ARL5B: variants seen among roughly 807,000 people sequenced by gnomAD.
The protein encoded by ARL5B is ARF like GTPase 5B, also known as ADP-ribosylation factor-like protein 5B.
ARL5B carries 10 observed loss-of-function variants against 26.9 expected under a neutral mutation model. That is an observed-to-expected ratio of 0.37 (90% confidence interval 0.23 to 0.63). ARL5B has a LOEUF of 0.63. Ranked by LOEUF, ARL5B falls within the 30% of genes least tolerant of loss-of-function variation. The pLI is 0.62. For missense variants in ARL5B, 167 were observed against 213.9 expected, an observed-to-expected ratio of 0.78 and a Z score of 1.37; for synonymous variants, 87 against 70.4, an observed-to-expected ratio of 1.24 and a Z score of -1.18.
Position 18,680,232 on chromosome 10 carries a change from A to G in ARL5B, c.*5016A>G, listed in dbSNP as rs1257287951. On this transcript the variant is annotated 3_prime_UTR_variant, in exon 6 of 6. Coordinates refer to ENST00000377275, the MANE Select transcript of ARL5B (RefSeq NM_178815.5). Reference sequence around the variant, plus strand: ...ATCCCATAAAAACCCCCTTCACCCAAACTGTATTTGAAATATGCAAAATTC... The same window carrying G: ...ATCCCATAAAAACCCCCTTCACCCAGACTGTATTTGAAATATGCAAAATTC... The G allele has an allele frequency of 6.6e-6, 1 of 152,002 alleles. No homozygotes were observed. The highest frequency in any genetic ancestry group is 1.5e-5 in the Non-Finnish European group (1 of 67,904). The allele number at this position is 152,002 out of a possible 1,614,324, so 9.4% of individuals were successfully genotyped here.
chr10:18,672,138 T>A (rs746963953), intron 3 of ARL5B, among the ~76,000 whole-genome samples: 3 of 152,230 alleles, frequency 2.0e-5, no homozygotes, highest in Non-Finnish European at 4.4e-5. Flanking sequence ...TAAAATTGTC[T>A]TATTTTTAAA....
rs1463117336 is a variant in ARL5B at position 18,678,261 on chromosome 10, C to T, written c.*3045C>T. The T allele has an allele frequency of 6.6e-6, 1 of 151,662 alleles. No homozygotes were observed. The highest frequency in any genetic ancestry group is 6.6e-5 in the Admixed American group (1 of 15,222). The allele number at this position is 151,662 out of a possible 1,614,324, so 9.4% of individuals were successfully genotyped here. On this transcript the variant is annotated 3_prime_UTR_variant, in exon 6 of 6. Transcript: ENST00000377275. ...GCTTAAAGGTATCAATACTTTTATT[C>T]TATATTCATTAGAAGAAAGGTAATA...
chr10:18,663,350 T>C (rs192552701), intron 1 of ARL5B, among the ~76,000 whole-genome samples: 9 of 152,288 alleles, frequency 5.9e-5, no homozygotes, highest in Non-Finnish European at 1.0e-4. Context: ...AATACAGTTT[T>C]AATTGTAGTT....
At chr10:18,670,358 C>G (rs987343222) in intron 3 of ARL5B, among the ~76,000 whole-genome samples, 1 of 152,150 alleles carries the variant, frequency 6.6e-6, no homozygotes, top group Non-Finnish European at 1.5e-5. Flanking sequence ...CTTCTGTAAT[C>G]CCAGCACTTT....
At chr10:18,660,061 C>CTT (rs547976951) in intron 1 of ARL5B, among the ~76,000 whole-genome samples, 1 of 146,352 alleles carries the variant, frequency 6.8e-6, no homozygotes, top group Non-Finnish European at 1.5e-5. Flanking sequence ...AAACCTAGAA[C>CTT]TTTTTTTTTT....
chr10:18,667,716 C>A (rs941230142), intron 2 of ARL5B, among the ~76,000 whole-genome samples: 3 of 149,814 alleles, frequency 2.0e-5, no homozygotes, highest in Non-Finnish European at 4.4e-5. Context: ...TATATATATA[C>A]ACACACACAC....
intron 1 of ARL5B, among the ~76,000 whole-genome samples, chr10:18,663,923 C>T (rs2059848784): frequency 6.6e-6 from 1 of 151,716 alleles, no homozygotes; most frequent in African/African-American, 2.4e-5. Context: ...CATCTATCTG[C>T]ATCCTGTCTT....
intron 1 of ARL5B, among the ~76,000 whole-genome samples, 190 bp from the exon 2 acceptor site, chr10:18,666,385 A>G (rs749407589): frequency 1.3e-5 from 2 of 152,250 alleles, no homozygotes; most frequent in Non-Finnish European, 2.9e-5. Flanking sequence ...CAGAGAATCA[A>G]TGATAATTGA....
intron 1 of ARL5B, among the ~76,000 whole-genome samples, chr10:18,664,468 C>T (rs563689237): frequency 9.7e-5 from 11 of 113,016 alleles, no homozygotes; most frequent in East Asian, 3.2e-4. Flanking sequence ...GATGGAGTCT[C>T]GCTCTGTTGC....
intron 1 of ARL5B, among the ~76,000 whole-genome samples, chr10:18,660,193 A>C (rs771880875): frequency 4.6e-5 from 7 of 152,182 alleles, no homozygotes; most frequent in Non-Finnish European, 1.0e-4. Flanking sequence ...ATTCAGATGC[A>C]CGAGTTTTCC....
Position 18,679,780 on chromosome 10 carries a change from TATC to T in ARL5B, c.*4567_*4569del, listed in dbSNP as rs1383569598. 1 of 151,814 alleles carries T rather than the reference TATC, an allele frequency of 6.6e-6. No homozygotes were observed. Among genetic ancestry groups the T allele is most frequent in the Non-Finnish European group, 1.5e-5 (1 of 67,838 alleles). 9.4% of individuals were successfully genotyped at this position (151,814 alleles called of 1,614,324 possible). On this transcript the variant is annotated 3_prime_UTR_variant, in exon 6 of 6. Coordinates refer to ENST00000377275, the MANE Select transcript of ARL5B (RefSeq NM_178815.5). ...TCAAAGCACTTGAAAGTAAAGACAA[TATC>T]ATGAGGTCGAAAAAACTTCAAAAGG...
In ARL5B at chr10:18,668,671, T is replaced by A. The variant is rs761581848; in HGVS notation, c.249T>A (p.Asn83Lys). ...LRSSWNTYYS[N>K]TEFIILVVDS... ...CATCCTGGAACACATATTACTCAAA[T>A]ACAGAGGTATGCTAAGATGAATTTT... Residue 83 changes from asparagine to lysine, a missense_variant, in exon 3 of 6, where the codon AAT (asparagine) becomes AAA (lysine). Physicochemically the swap from Asn to Lys is moderately conservative, Grantham distance 94 (BLOSUM62 0). Coordinates refer to ENST00000377275, the MANE Select transcript of ARL5B (RefSeq NM_178815.5). 6.2e-7 allele frequency: 1 copy of A among 1,613,684 alleles called. No individual in the cohort carries two copies. Among genetic ancestry groups the A allele is most frequent in the Non-Finnish European group, 8.5e-7 (1 of 1,179,910 alleles).
In ARL5B at chr10:18,675,323, AC is replaced by A; in HGVS notation, c.*109del. The A allele has an allele frequency of 9.3e-7, 1 of 1,070,228 alleles. No individual in the cohort carries two copies. Among genetic ancestry groups the A allele is most frequent in the South Asian group, 1.4e-5 (1 of 73,372 alleles). The allele number at this position is 1,070,228 out of a possible 1,614,324, so 66.3% of individuals were successfully genotyped here. ...GCATGTTTAATTTATAACAACACAAACCTCTGAGAGCAACACTTGAATCAAG... is the reference window on the plus strand; with the variant it reads ...GCATGTTTAATTTATAACAACACAAACTCTGAGAGCAACACTTGAATCAAG... On this transcript the variant is annotated 3_prime_UTR_variant, in exon 6 of 6. Transcript: ENST00000377275.
At chr10:18,666,996 A>T (rs1445881889) in intron 2 of ARL5B, among the ~76,000 whole-genome samples, 1 of 150,198 alleles carries the variant, frequency 6.7e-6, no homozygotes, top group Admixed American at 6.7e-5. Context: ...CCTCCTGACT[A>T]ATAGCTTTGG....
intron 5 of ARL5B, among the ~76,000 whole-genome samples, chr10:18,674,608 A>C (rs566946863): frequency 6.6e-6 from 1 of 152,200 alleles, no homozygotes; most frequent in South Asian, 2.1e-4. Context: ...CACATGGTCT[A>C]TTCTTCCATC....
Position 18,667,542 on chromosome 10 carries a change from C to T in ARL5B, c.107+907C>T, listed in dbSNP as rs542871284. 7.9e-5 allele frequency among the ~76,000 whole-genome samples: 12 copies of T among 152,226 alleles called. No individual in the cohort carries two copies. The South Asian group carries it at 1.0e-3, about 13-fold the overall frequency. ...TTTGTTGAAATAATTTTACACATGG[C>T]TTCAAAAATATACATAAAACCCAAG... is the stretch of plus-strand genomic sequence containing the variant. On this transcript the variant is annotated intron_variant, in intron 2 of 5. Transcript: ENST00000377275.
chr10:18,678,001 A>T lies in ARL5B; in HGVS notation c.*2785A>T, dbSNP rs989315255. The T allele has an allele frequency of 2.0e-5, 3 of 151,978 alleles. No homozygotes were observed. Among genetic ancestry groups the T allele is most frequent in the Admixed American group, 1.3e-4 (2 of 15,254 alleles). 9.4% of individuals were successfully genotyped at this position (151,978 alleles called of 1,614,324 possible). On this transcript the variant is annotated 3_prime_UTR_variant, in exon 6 of 6. Transcript: ENST00000377275. ...CAATTATCCTTGCAAGTTCAAATAC[A>T]GCATTTTTCTTAATTTTGAGCGTGT...
In ARL5B at chr10:18,679,857, C is replaced by G. The variant is rs894176873; in HGVS notation, c.*4641C>G. 6.6e-6 allele frequency: 1 copy of G among 151,942 alleles called. No individual in the cohort carries two copies. Among genetic ancestry groups the G allele is most frequent in the Non-Finnish European group, 1.5e-5 (1 of 67,862 alleles). 9.4% of individuals were successfully genotyped at this position (151,942 alleles called of 1,614,324 possible). On this transcript the variant is annotated 3_prime_UTR_variant, in exon 6 of 6. Transcript: ENST00000377275. ...ATGAAAGCAGTGAATTTCTGCCTCTCCTCGTATTTAGGGTACTTAAAATTA... is the reference window on the plus strand; with the variant it reads ...ATGAAAGCAGTGAATTTCTGCCTCTGCTCGTATTTAGGGTACTTAAAATTA...
intron 3 of ARL5B, among the ~76,000 whole-genome samples, chr10:18,671,838 G>A (rs1404846690): frequency 6.6e-6 from 1 of 152,102 alleles, no homozygotes; most frequent in Non-Finnish European, 1.5e-5. Flanking sequence ...TTTGTAGAGA[G>A]ACAGGTTCTC....
Sources: gnomAD v4.1 joint callset for allele counts (sites outside exome capture counted in the v4.1 genomes callset) on GRCh38, gnomAD v4.1.1 for gene constraint, MANE v1.5 for transcripts, NCBI Gene and HGNC (gene_info 2026-07-23, HGNC 2026-07-21) for gene names.